The following XKR4 variants were observed in gnomAD, a reference collection of about 807,000 sequenced individuals.
XKR4 encodes XK related 4.
XKR4 carries 12 observed loss-of-function variants against 53.9 expected under a neutral mutation model. The ratio of observed to expected loss-of-function variants is 0.22; its 90% CI spans 0.14 to 0.36. The LOEUF (loss-of-function observed/expected upper bound fraction) is 0.36. Among genes scored for constraint, XKR4 ranks in the 10% least tolerant of loss-of-function variants. XKR4 has a pLI of 1.00. For missense variants in XKR4, 799 were observed against 859.5 expected, an observed-to-expected ratio of 0.93 and a Z score of 0.88; for synonymous variants, 354 against 362.4, an observed-to-expected ratio of 0.98 and a Z score of 0.26.
At chr8:55,352,852 T>C (rs1310955587) in intron 1 of XKR4, among the ~76,000 whole-genome samples, 1 of 152,154 alleles carries the variant, frequency 6.6e-6, no homozygotes, top group Non-Finnish European at 1.5e-5. Context: ...ATTAAAGAGA[T>C]AAAAGCTCCA....
At chr8:55,503,268 TTTGGG>T (rs1806472670) in intron 2 of XKR4, among the ~76,000 whole-genome samples, 1 of 152,196 alleles carries the variant, frequency 6.6e-6, no homozygotes, top group African/African-American at 2.4e-5. Context: ...TGTAGATCAC[TTTGGG>T]TAGTATTGAC....
At chr8:55,254,210 G>C (rs981012523) in intron 1 of XKR4, among the ~76,000 whole-genome samples, 3 of 152,064 alleles carry the variant, frequency 2.0e-5, no homozygotes, top group African/African-American at 4.8e-5. Flanking sequence ...AGAGAGATAA[G>C]GTATGCTCTT....
rs370063988 is a variant in XKR4 at position 55,258,008 on chromosome 8, C to T, written c.807-99670C>T. ...CAGACCGTGGGCTCTGGACTGGATT[C>T]CAGCCCCAGTGCTGAGTCCTGAGCT... On this transcript the variant is annotated intron_variant, in intron 1 of 2. Transcript: ENST00000327381. 2.6e-5 allele frequency among the ~76,000 whole-genome samples: 4 copies of T among 152,186 alleles called. No individual in the cohort carries two copies. In the East Asian group the frequency reaches 7.7e-4, roughly 29 times the overall value.
intron 1 of XKR4, among the ~76,000 whole-genome samples, chr8:55,270,604 G>T (rs756032660): frequency 6.6e-6 from 1 of 152,188 alleles, no homozygotes; most frequent in Non-Finnish European, 1.5e-5. Context: ...AGGTACTTAT[G>T]CAATACTGTT....
At chr8:55,132,158 G>C (rs1185190177) in intron 1 of XKR4, among the ~76,000 whole-genome samples, 2 of 152,198 alleles carry the variant, frequency 1.3e-5, no homozygotes, top group South Asian at 2.1e-4. Context: ...TCATGCACCA[G>C]GCAGTGTGCT....
intron 2 of XKR4, among the ~76,000 whole-genome samples, chr8:55,471,196 T>C (rs1445179708): frequency 2.6e-5 from 4 of 152,092 alleles, no homozygotes; most frequent in African/African-American, 9.7e-5. Flanking sequence ...ATGTGAACAG[T>C]TCCATCCTCA....
chr8:55,164,748 T>G (rs962890943), intron 1 of XKR4: 1 of 246,554 alleles, frequency 4.1e-6, no homozygotes, highest in Non-Finnish European at 8.2e-6. Flanking sequence ...TCTTATTTTA[T>G]GTTTTATTCT....
intron 2 of XKR4, among the ~76,000 whole-genome samples, chr8:55,447,654 C>T (rs1419475389): frequency 6.6e-6 from 1 of 152,150 alleles, no homozygotes; most frequent in Non-Finnish European, 1.5e-5. Context: ...CCCTGTAGTC[C>T]TCCCTTCACA....
intron 1 of XKR4, among the ~76,000 whole-genome samples, chr8:55,291,919 C>T (rs1032679419): frequency 6.6e-6 from 1 of 152,118 alleles, no homozygotes; most frequent in South Asian, 2.1e-4. Context: ...TTGTCAAATG[C>T]TTTTTATGAA....
intron 1 of XKR4, among the ~76,000 whole-genome samples, chr8:55,229,454 A>G (rs1333991704): frequency 1.3e-5 from 2 of 152,188 alleles, no homozygotes; most frequent in South Asian, 4.1e-4. Context: ...GCAGCACTGG[A>G]CTATTCCGTG....
intron 2 of XKR4, among the ~76,000 whole-genome samples, chr8:55,439,559 G>A (rs1344955166): frequency 6.6e-6 from 1 of 152,114 alleles, no homozygotes; most frequent in Non-Finnish European, 1.5e-5. Flanking sequence ...ATTTCTGAAA[G>A]CAAAACATTG....
chr8:55,256,639 G>C (rs981622473), intron 1 of XKR4, among the ~76,000 whole-genome samples: 1 of 152,166 alleles, frequency 6.6e-6, no homozygotes, highest in South Asian at 2.1e-4. Flanking sequence ...TGGAGGAATG[G>C]GATTTCAGAG....
intron 1 of XKR4, among the ~76,000 whole-genome samples, chr8:55,336,309 A>G (rs1048796963): frequency 5.3e-5 from 8 of 152,054 alleles, no homozygotes; most frequent in African/African-American, 1.7e-4. Flanking sequence ...TGCCGTCACC[A>G]TGTAAGAAGT....
At chr8:55,216,129 A>G (rs941201803) in intron 1 of XKR4, among the ~76,000 whole-genome samples, 5 of 152,278 alleles carry the variant, frequency 3.3e-5, no homozygotes, top group Non-Finnish European at 5.9e-5. Flanking sequence ...GATATATACT[A>G]TATTCATGGA....
chr8:55,451,302 T>C, intron 2 of XKR4: 1 of 597,014 alleles, frequency 1.7e-6, no homozygotes, highest in Non-Finnish European at 3.0e-6. Flanking sequence ...TCAGTCTGGA[T>C]GCCGCCGCCA....
At chr8:55,314,569 G>T (rs1189866156) in intron 1 of XKR4, among the ~76,000 whole-genome samples, 4 of 152,196 alleles carry the variant, frequency 2.6e-5, no homozygotes, top group Non-Finnish European at 5.9e-5. Context: ...CTGGAGGACT[G>T]GCTGGTATTC....
intron 1 of XKR4, among the ~76,000 whole-genome samples, chr8:55,130,975 C>T (rs1816545479): frequency 6.6e-6 from 1 of 152,058 alleles, no homozygotes; most frequent in South Asian, 2.1e-4. Flanking sequence ...GCTTGACCGA[C>T]GTGGAGAAAC....
intron 1 of XKR4, among the ~76,000 whole-genome samples, chr8:55,241,897 T>C (rs1818215253): frequency 6.6e-6 from 1 of 152,198 alleles, no homozygotes; most frequent in Non-Finnish European, 1.5e-5. Context: ...ACTCTGCACA[T>C]AAACCTAGCT....
intron 2 of XKR4, among the ~76,000 whole-genome samples, chr8:55,463,953 A>AT (rs1805708817): frequency 6.6e-6 from 1 of 152,166 alleles, no homozygotes; most frequent in Non-Finnish European, 1.5e-5. Context: ...GAATAGACCA[A>AT]TAACAGGCTC....
Sources: gnomAD v4.1 joint callset for allele counts (sites outside exome capture counted in the v4.1 genomes callset) on GRCh38, gnomAD v4.1.1 for gene constraint, MANE v1.5 for transcripts, NCBI Gene and HGNC (gene_info 2026-07-23, HGNC 2026-07-21) for gene names.